ZNF277: variants seen among roughly 807,000 people sequenced by gnomAD.
ZNF277 encodes nuclear receptor-interacting factor 4.
ZNF277 carries 55 observed loss-of-function variants against 60.7 expected under a neutral mutation model. That is an observed-to-expected ratio of 0.91 (90% CI 0.73 to 1.13). ZNF277 has a LOEUF of 1.13. Among genes scored for constraint, ZNF277 ranks in the 50% most tolerant of loss-of-function variants. The pLI, the probability that ZNF277 is intolerant of heterozygous loss-of-function variation, is 0.00. For missense variants in ZNF277, 510 were observed against 523.0 expected (o/e 0.98, Z 0.24); for synonymous variants, 178 against 179.3 (o/e 0.99, Z 0.06).
chr7:112,241,807 C>A (rs1317774194), intron 1 of ZNF277, among the ~76,000 whole-genome samples: 1 of 151,962 alleles, frequency 6.6e-6, no homozygotes, highest in Non-Finnish European at 1.5e-5. Context: ...TTAAAACAAG[C>A]AAACTCATGA....
At chr7:112,278,590 C>G (rs1474636400) in intron 1 of ZNF277, among the ~76,000 whole-genome samples, 1 of 152,058 alleles carries the variant, frequency 6.6e-6, no homozygotes, top group African/African-American at 2.4e-5. Context: ...GTGGAACACT[C>G]TATCAGGTGG....
chr7:112,235,536 T>A (rs1822465958), intron 1 of ZNF277, among the ~76,000 whole-genome samples: 1 of 152,146 alleles, frequency 6.6e-6, no homozygotes, highest in Non-Finnish European at 1.5e-5. Context: ...TTTCATGTTC[T>A]TATTGACTCT....
At position 112,340,873 on chromosome 7, in the gene ZNF277, A is replaced by G. The variant is rs564451874; in HGVS notation, c.1011A>G (p.Gly337=). 1.4e-5 allele frequency: 22 copies of G among 1,609,778 alleles called. No individual in the cohort carries two copies. In the South Asian group the frequency reaches 2.2e-4, roughly 16 times the overall value. Residue 337 remains glycine, a splice_region_variant and synonymous_variant, in exon 11 of 12, where the codon GGA becomes GGG. Transcript: ENST00000361822. ...FDLLKIKSEL[G]LNFYQQVKLV... is the part of the protein sequence containing the mutation. ...GATTCTGTATTTTGTCATTTTCAGG[A>G]TTAAATTTCTATCAGCAAGTGAAAC...
intron 7 of ZNF277, among the ~76,000 whole-genome samples, chr7:112,331,735 T>G (rs1355927307): frequency 6.6e-6 from 1 of 152,202 alleles, no homozygotes. Flanking sequence ...ACTCAGTCAT[T>G]ACTTCCTAGA....
intron 1 of ZNF277, among the ~76,000 whole-genome samples, chr7:112,262,773 T>C (rs1018777890): frequency 1.3e-5 from 2 of 152,248 alleles, no homozygotes; most frequent in African/African-American, 4.8e-5. Context: ...ATTAGAAATA[T>C]GGATACTTTT....
intron 1 of ZNF277, among the ~76,000 whole-genome samples, chr7:112,245,402 G>A (rs1791061261): frequency 6.6e-6 from 1 of 152,162 alleles, no homozygotes; most frequent in Admixed American, 6.5e-5. Flanking sequence ...CTCTTCTCAT[G>A]TCTTTTCTAG....
chr7:112,298,281 G>T (rs1224108536), intron 4 of ZNF277, among the ~76,000 whole-genome samples: 1 of 152,086 alleles, frequency 6.6e-6, no homozygotes, highest in East Asian at 1.9e-4. Flanking sequence ...GCACATAGAA[G>T]GCACTTAATA....
At chr7:112,336,685 T>G (rs1042480158) in intron 8 of ZNF277, among the ~76,000 whole-genome samples, 1 of 152,214 alleles carries the variant, frequency 6.6e-6, no homozygotes. Flanking sequence ...CTTTTTGGCC[T>G]TTTTTCTCTC....
chr7:112,301,737 C>A (rs1792475229), intron 4 of ZNF277, among the ~76,000 whole-genome samples: 1 of 152,136 alleles, frequency 6.6e-6, no homozygotes, highest in African/African-American at 2.4e-5. Flanking sequence ...TTTTATTTGG[C>A]TTTTCAATTA....
intron 1 of ZNF277, among the ~76,000 whole-genome samples, chr7:112,272,340 C>T (rs924277776): frequency 6.6e-5 from 10 of 152,146 alleles, no homozygotes; most frequent in Admixed American, 2.0e-4. Flanking sequence ...CAGACACTTA[C>T]GTTGCTTCCA....
intron 2 of ZNF277, among the ~76,000 whole-genome samples, chr7:112,292,589 C>A (rs1301702906): frequency 2.0e-5 from 3 of 152,148 alleles, no homozygotes; most frequent in Non-Finnish European, 4.4e-5. Flanking sequence ...TCCCTGCCTT[C>A]CCTTTTCTGC....
intron 5 of ZNF277, among the ~76,000 whole-genome samples, chr7:112,321,811 G>C (rs559365928): frequency 6.6e-6 from 1 of 152,064 alleles, no homozygotes; most frequent in Admixed American, 6.5e-5. Context: ...ACATTCTACT[G>C]TCTTCTAGTT....
chr7:112,291,904 A>G (rs1446667698), intron 2 of ZNF277, among the ~76,000 whole-genome samples: 2 of 152,128 alleles, frequency 1.3e-5, no homozygotes, highest in African/African-American at 4.8e-5. Flanking sequence ...ATGATGGTTT[A>G]TGGTTATATT....
intron 4 of ZNF277, among the ~76,000 whole-genome samples, chr7:112,310,489 G>GAGAGAGAGAGAGAGAGAGAA (rs1305151299): frequency 2.8e-5 from 4 of 142,962 alleles, no homozygotes; most frequent in African/African-American, 1.2e-4. Flanking sequence ...GTGTGTGTGT[G>GAGAGAGAGAGAGAGAGAGAA]TGTATGTATT....
At chr7:112,323,253 G>T (rs1179239807) in intron 5 of ZNF277, among the ~76,000 whole-genome samples, 1 of 152,178 alleles carries the variant, frequency 6.6e-6, no homozygotes, top group Non-Finnish European at 1.5e-5. Flanking sequence ...ACTTTTCAGA[G>T]TCCTCTGTAG....
chr7:112,336,643 T>C (rs1287331144), intron 8 of ZNF277, among the ~76,000 whole-genome samples: 4 of 152,192 alleles, frequency 2.6e-5, no homozygotes, highest in Admixed American at 6.5e-5. Flanking sequence ...CCTAAAAGGA[T>C]TTCTTATTTT....
At chr7:112,294,962 C>T (rs1335337406) in intron 2 of ZNF277, among the ~76,000 whole-genome samples, 10 of 152,136 alleles carry the variant, frequency 6.6e-5, no homozygotes, top group Non-Finnish European at 2.9e-5. Flanking sequence ...CAAATTTCTA[C>T]TCTTTCTATA....
chr7:112,308,415 G>A (rs569644914), intron 4 of ZNF277, among the ~76,000 whole-genome samples: 44 of 152,170 alleles, frequency 2.9e-4, no homozygotes, highest in African/African-American at 1.1e-3. Context: ...TACTTGGGAG[G>A]CTGAAGCACA....
At chr7:112,337,614 A>C in intron 8 of ZNF277, 116 bp from the exon 9 acceptor site, 1 of 735,194 alleles carries the variant, frequency 1.4e-6, no homozygotes, top group Non-Finnish European at 2.2e-6. Context: ...AAAATGTCAG[A>C]GTTGAAAGAG....
Sources: gnomAD v4.1 joint callset for allele counts (sites outside exome capture counted in the v4.1 genomes callset) on GRCh38, gnomAD v4.1.1 for gene constraint, MANE v1.5 for transcripts, NCBI Gene and HGNC (gene_info 2026-07-23, HGNC 2026-07-21) for gene names.